Variants in CSMD1 observed in about 807,000 individuals in gnomAD.
CSMD1 encodes CUB and sushi domain-containing protein 1.
Under a neutral mutation model 417.5 loss-of-function variants are expected in CSMD1, and 213 were observed. The observed-to-expected ratio is 0.51, with a 90% CI of 0.46 to 0.57. CSMD1 has a LOEUF of 0.57. Ranked by LOEUF, CSMD1 falls within the 20% of genes least tolerant of loss-of-function variation. CSMD1 has a pLI of 0.00. For synonymous variants in CSMD1, 2,862 were observed against 1,736.8 expected, an observed-to-expected ratio of 1.65 and a Z score of -16.11; for missense variants, 6,923 against 4,529.7, an observed-to-expected ratio of 1.53 and a Z score of -15.17.
chr8:3,418,236 T>C (rs1813278782), intron 12 of CSMD1, among the ~76,000 whole-genome samples: 1 of 152,148 alleles, frequency 6.6e-6, no homozygotes, highest in African/African-American at 2.4e-5. Context: ...CAGTGTGAAA[T>C]GCTGGACTCT....
At chr8:4,095,309 C>G (rs570931765) in intron 3 of CSMD1, among the ~76,000 whole-genome samples, 1 of 152,236 alleles carries the variant, frequency 6.6e-6, no homozygotes, top group East Asian at 1.9e-4. Flanking sequence ...TCTGTTATTA[C>G]CTGATATAAC....
chr8:4,046,777 T>C (rs77495108), intron 3 of CSMD1, among the ~76,000 whole-genome samples: 2,122 of 152,304 alleles, frequency 0.014, 43 homozygotes, highest in East Asian at 0.09. Context: ...TTGTAATTAA[T>C]GCACAGCCTG....
chr8:3,925,417 AAAT>A (rs1382899730), intron 5 of CSMD1, among the ~76,000 whole-genome samples: 1 of 152,214 alleles, frequency 6.6e-6, no homozygotes, highest in Non-Finnish European at 1.5e-5. Context: ...ATGATGAAAG[AAAT>A]AATATTTAAA....
chr8:3,752,027 C>G (rs1480130835), intron 6 of CSMD1, among the ~76,000 whole-genome samples: 1 of 152,114 alleles, frequency 6.6e-6, no homozygotes, highest in African/African-American at 2.4e-5. Context: ...AAAGTGCAGA[C>G]AGAATTTCTC....
chr8:3,647,326 G>T (rs1272006970), intron 7 of CSMD1, among the ~76,000 whole-genome samples: 1 of 152,184 alleles, frequency 6.6e-6, no homozygotes, highest in African/African-American at 2.4e-5. Flanking sequence ...CCTTGGCCAG[G>T]AGAGAGGTAA....
chr8:3,368,883 A>G (rs1339084899), intron 19 of CSMD1, among the ~76,000 whole-genome samples: 1 of 152,198 alleles, frequency 6.6e-6, no homozygotes, highest in Non-Finnish European at 1.5e-5. Flanking sequence ...GAAAGTACAA[A>G]AATTGTCCCA....
Position 4,175,407 on chromosome 8 carries a change from T to A in CSMD1, c.416-143308A>T, listed in dbSNP as rs147125428. Among the ~76,000 whole-genome samples, 9 of 152,314 alleles carry A rather than the reference T, an allele frequency of 5.9e-5. No individual in the cohort carries two copies. The East Asian group carries it at 1.7e-3, about 29-fold the overall frequency. ...TCTTCTCTCTTACCTGCGCTATACT[T>A]TTATTGTTCAACGGAATATGTTTAA... On this transcript the variant is annotated intron_variant, in intron 3 of 69. Transcript: ENST00000635120.
chr8:4,189,749 G>C (rs557047336), intron 3 of CSMD1, among the ~76,000 whole-genome samples: 2 of 152,068 alleles, frequency 1.3e-5, no homozygotes, highest in Non-Finnish European at 2.9e-5. Context: ...TAGAAATCTT[G>C]ATAAATTATG....
At chr8:4,146,696 C>A (rs371198562) in intron 3 of CSMD1, among the ~76,000 whole-genome samples, 2 of 142,676 alleles carry the variant, frequency 1.4e-5, no homozygotes, top group East Asian at 4.1e-4. Context: ...ACTGCAAGCT[C>A]CACCTCCCGA....
At chr8:4,278,306 C>T (rs1700028) in intron 3 of CSMD1, among the ~76,000 whole-genome samples, 135,766 of 152,136 alleles carry the variant, frequency 0.89, 62,662 homozygotes, top group East Asian at 1. Flanking sequence ...AAAAACACAG[C>T]GGTAGTGCTG....
chr8:3,750,104 G>A (rs1157048989), intron 6 of CSMD1, among the ~76,000 whole-genome samples: 1 of 152,032 alleles, frequency 6.6e-6, no homozygotes, highest in Non-Finnish European at 1.5e-5. Context: ...GGCTGGGGAG[G>A]CATTGAATAT....
chr8:4,284,130 G>C (rs1248578585), intron 3 of CSMD1, among the ~76,000 whole-genome samples: 1 of 152,180 alleles, frequency 6.6e-6, no homozygotes, highest in Non-Finnish European at 1.5e-5. Context: ...CATTTTGGGA[G>C]GCCGAGAAGG....
chr8:3,647,086 G>A (rs1483706383), intron 7 of CSMD1, among the ~76,000 whole-genome samples: 1 of 152,146 alleles, frequency 6.6e-6, no homozygotes, highest in East Asian at 1.9e-4. Flanking sequence ...GGAGAGTCCA[G>A]CCCTTGTCAT....
rs1158556569 is a variant in CSMD1 at position 3,493,682 on chromosome 8, A to G, written c.1389T>C (p.Tyr463=). The part of the protein sequence containing the change: ...AFEEFELERG[Y]DTLTVGDAGK... The stretch of plus-strand genomic sequence containing the variant: ...CAGCATCACCAACCGTCAGGGTGTC[A>G]TAGCCTCGCTCCAGCTCAAACTCTT... Residue 463 remains tyrosine, a synonymous_variant, in exon 11 of 70, where the codon TAT becomes TAC. Coordinates refer to ENST00000635120, the MANE Select transcript of CSMD1 (RefSeq NM_033225.6). The G allele has an allele frequency of 6.2e-7, 1 of 1,612,430 alleles. No individual in the cohort carries two copies. The highest frequency in any genetic ancestry group is 8.5e-7 in the Non-Finnish European group (1 of 1,179,326).
chr8:4,097,511 G>T (rs1049647430), intron 3 of CSMD1, among the ~76,000 whole-genome samples: 1 of 152,116 alleles, frequency 6.6e-6, no homozygotes, highest in Non-Finnish European at 1.5e-5. Context: ...TGAATGTCTT[G>T]TTGCCCCTGG....
In CSMD1 at chr8:4,179,061, T is replaced by G. The variant is rs567646911; in HGVS notation, c.416-146962A>C. Among the ~76,000 whole-genome samples, 476 of 152,130 alleles carry G rather than the reference T, an allele frequency of 3.1e-3. 6 individuals are homozygous for G. Among genetic ancestry groups the G allele is most frequent in the African/African-American group, 0.01 (417 of 41,508 alleles). On this transcript the variant is annotated intron_variant, in intron 3 of 69. Coordinates refer to ENST00000635120, the MANE Select transcript of CSMD1 (RefSeq NM_033225.6). ...CAAGCTACCAATGACTTTCTTCACA[T>G]AATTAGAAAAAACTACTTTAAAGTT...
chr8:3,265,982 T>G (rs1305043296), intron 26 of CSMD1, among the ~76,000 whole-genome samples: 17 of 152,016 alleles, frequency 1.1e-4, no homozygotes, highest in Admixed American at 1.1e-3. Context: ...GTCTGCAAGA[T>G]GTTCAAATGA....
intron 3 of CSMD1, among the ~76,000 whole-genome samples, chr8:4,155,295 C>G (rs1796772774): frequency 6.6e-6 from 1 of 152,162 alleles, no homozygotes; most frequent in South Asian, 2.1e-4. Flanking sequence ...GGTGGAGCAG[C>G]AAGATCAGCG....
chr8:4,635,128 A>T (rs984814641), intron 2 of CSMD1, among the ~76,000 whole-genome samples: 4 of 152,184 alleles, frequency 2.6e-5, no homozygotes, highest in African/African-American at 9.7e-5. Context: ...TAACTGAGTG[A>T]TTCATATGAA....
Sources: allele counts gnomAD v4.1 joint callset (sites outside exome capture counted in the v4.1 genomes callset), GRCh38; gene constraint gnomAD v4.1.1; transcripts MANE v1.5; gene names NCBI Gene and HGNC (gene_info 2026-07-23, HGNC 2026-07-21).